NSRP1: variants seen among roughly 807,000 people sequenced by gnomAD.
The protein encoded by NSRP1 is nuclear speckle splicing regulatory protein 1.
A neutral mutation model predicts 54.7 loss-of-function variants in NSRP1; 24 were observed. The ratio of observed to expected loss-of-function variants is 0.44; its 90% CI spans 0.32 to 0.62. The LOEUF (loss-of-function observed/expected upper bound fraction) is 0.62, where lower values mean the gene tolerates loss of function less well. NSRP1 is among the 20% of genes least tolerant of loss of function. The pLI is 0.06. For synonymous variants in NSRP1, 210 were observed against 213.8 expected (o/e 0.98, Z 0.15); for missense variants, 596 against 651.2 (o/e 0.92, Z 0.92).
chr17:30,116,821 C>T lies in NSRP1; in HGVS notation c.-23C>T. On this transcript the variant is annotated 5_prime_UTR_variant, in exon 1 of 7. The change creates a new upstream start codon in the 5' untranslated region. Coordinates refer to ENST00000247026, the MANE Select transcript of NSRP1 (RefSeq NM_032141.4). The stretch of plus-strand genomic sequence containing the variant: ...GTCAGCGTCACGGAGGCGTCGGCCA[C>T]GTTCAGCGGACACGGGAGCAAGATG... The T allele has an allele frequency of 4.5e-6, 7 of 1,569,664 alleles. No homozygotes were observed. Among genetic ancestry groups the T allele is most frequent in the South Asian group, 2.3e-5 (2 of 85,334 alleles).
intron 3 of NSRP1, among the ~76,000 whole-genome samples, chr17:30,176,122 G>A (rs1324005738): frequency 6.6e-6 from 1 of 150,948 alleles, no homozygotes; most frequent in Non-Finnish European, 1.5e-5. Context: ...GTTTTGTTTT[G>A]TTTTGTTTTG....
chr17:30,177,128 G>T (rs572878250), intron 3 of NSRP1, among the ~76,000 whole-genome samples: 4 of 152,094 alleles, frequency 2.6e-5, no homozygotes, highest in African/African-American at 9.7e-5. Flanking sequence ...CAGCACTTTG[G>T]GGGGCGCTGA....
intron 2 of NSRP1, among the ~76,000 whole-genome samples, chr17:30,120,361 G>A (rs542113774): frequency 1.9e-4 from 29 of 152,168 alleles, no homozygotes; most frequent in African/African-American, 5.5e-4. Context: ...CCATTTCTGC[G>A]TAGCCAACTA....
intron 2 of NSRP1, among the ~76,000 whole-genome samples, chr17:30,168,570 A>T (rs1453664523): frequency 1.4e-5 from 2 of 147,208 alleles, no homozygotes; most frequent in East Asian, 3.9e-4. Flanking sequence ...CCTAAAACTT[A>T]AAGTATAATA....
In NSRP1 at chr17:30,185,853, C is replaced by T. The variant is rs1905516876; in HGVS notation, c.*179C>T. 1.7e-6 allele frequency: 1 copy of T among 591,356 alleles called. No individual in the cohort carries two copies. Among genetic ancestry groups the T allele is most frequent in the Admixed American group, 3.5e-5 (1 of 28,240 alleles). 36.6% of individuals were successfully genotyped at this position (591,356 alleles called of 1,614,324 possible). A position where few individuals can be genotyped will look rare whatever the true frequency, so the allele number is the denominator to read the frequency against. On this transcript the variant is annotated 3_prime_UTR_variant, in exon 7 of 7. Transcript: ENST00000247026. ...TGGATGTTTGGATGTGGATGTTTGGCTGAATTTATATATAGTGTGTACTCA... is the reference window on the plus strand; with the variant it reads ...TGGATGTTTGGATGTGGATGTTTGGTTGAATTTATATATAGTGTGTACTCA...
rs531385329 is a variant in NSRP1 at position 30,119,038 on chromosome 17, G to A, written c.114+865G>A. ...GCTGGGATTACAGGCGTAAGCCACC[G>A]CACCCAGTAAATATGTGCTTTTCCA... On this transcript the variant is annotated intron_variant, in intron 2 of 6. Transcript: ENST00000247026. Among the ~76,000 whole-genome samples, 43 of 151,576 alleles carry A rather than the reference G, an allele frequency of 2.8e-4. No homozygotes were observed. In the South Asian group the frequency reaches 4.6e-3, roughly 16 times the overall value.
intron 2 of NSRP1, among the ~76,000 whole-genome samples, chr17:30,152,460 G>A (rs2071921432): frequency 7.3e-6 from 1 of 136,748 alleles, no homozygotes; most frequent in African/African-American, 2.6e-5. Context: ...TGGACTTTTG[G>A]TTTTAGCTAC....
chr17:30,116,883 G>C lies in NSRP1; in HGVS notation c.20+20G>C. On this transcript the variant is annotated intron_variant, in intron 1 of 6. Coordinates refer to ENST00000247026, the MANE Select transcript of NSRP1 (RefSeq NM_032141.4). ...CAGGCAGTGAGTGATCCGGGAGTTA[G>C]GGTCAGGCTGGGGGATGAGAAACTA... 1 of 1,567,576 alleles carries C rather than the reference G, an allele frequency of 6.4e-7. No homozygotes were observed. The highest frequency in any genetic ancestry group is 8.7e-7 in the Non-Finnish European group (1 of 1,155,632).
intron 3 of NSRP1, among the ~76,000 whole-genome samples, chr17:30,173,479 A>G (rs1905027969): frequency 6.6e-6 from 1 of 152,318 alleles, no homozygotes; most frequent in East Asian, 1.9e-4. Flanking sequence ...ATTTTCTGCT[A>G]TAGAATGTAA....
At chr17:30,143,595 G>A (rs2071825835) in intron 2 of NSRP1, among the ~76,000 whole-genome samples, 1 of 152,112 alleles carries the variant, frequency 6.6e-6, no homozygotes, top group East Asian at 1.9e-4. Context: ...CATTATAAGT[G>A]TGCTAGTTGT....
At chr17:30,133,202 C>T (rs1272266045) in intron 2 of NSRP1, among the ~76,000 whole-genome samples, 1 of 150,812 alleles carries the variant, frequency 6.6e-6, no homozygotes, top group African/African-American at 2.4e-5. Flanking sequence ...ATCTACCTGC[C>T]TTGGCTTCCC....
At chr17:30,147,421 C>T (rs923409641) in intron 2 of NSRP1, among the ~76,000 whole-genome samples, 11 of 151,896 alleles carry the variant, frequency 7.2e-5, no homozygotes, top group Non-Finnish European at 1.3e-4. Context: ...TGAGCCACTG[C>T]ACTCGGCCAG....
intron 2 of NSRP1, among the ~76,000 whole-genome samples, chr17:30,139,386 C>G (rs1022558928): frequency 6.6e-6 from 1 of 152,086 alleles, no homozygotes; most frequent in Non-Finnish European, 1.5e-5. Flanking sequence ...TTATGCTGAT[C>G]CAGTTTATCA....
chr17:30,119,659 C>T (rs1335933813), intron 2 of NSRP1, among the ~76,000 whole-genome samples: 3 of 152,140 alleles, frequency 2.0e-5, no homozygotes, highest in Admixed American at 6.6e-5. Context: ...CACACCACCA[C>T]GCCTGGCTAA....
In NSRP1 at chr17:30,170,350, G is replaced by A. The variant is rs188872197; in HGVS notation, c.115-2192G>A. On this transcript the variant is annotated intron_variant, in intron 2 of 6. Transcript: ENST00000247026. ...AGAGCAGCTACAATTTACTCATTTA[G>A]CATGAATACCATATATAGTACAATT... 2.6e-5 allele frequency among the ~76,000 whole-genome samples: 4 copies of A among 152,082 alleles called. No individual in the cohort carries two copies. In the East Asian group the frequency reaches 7.7e-4, roughly 29 times the overall value.
intron 1 of NSRP1, 168 bp from the exon 2 acceptor site, chr17:30,117,912 G>A (rs1333090421): frequency 2.2e-5 from 12 of 549,478 alleles, no homozygotes; most frequent in South Asian, 1.1e-4. Flanking sequence ...AGAATCTTAC[G>A]GCATGTTAGA....
chr17:30,144,617 CTGTATG>C (rs1461379105), intron 2 of NSRP1: 58 of 152,210 alleles, frequency 3.8e-4, no homozygotes, highest in Admixed American at 3.3e-3. Context: ...GTATTTGCAA[CTGTATG>C]TGTATGTATA....
At chr17:30,163,434 T>C (rs1447294221) in intron 2 of NSRP1, among the ~76,000 whole-genome samples, 1 of 152,112 alleles carries the variant, frequency 6.6e-6, no homozygotes, top group African/African-American at 2.4e-5. Context: ...TGTATAGTGA[T>C]GCAACAAAGG....
rs1275258739 is a variant in NSRP1, at chr17:30,185,891, TC to T, written c.*218del. 2.6e-6 allele frequency: 1 copy of T among 377,972 alleles called. No individual in the cohort carries two copies. Among genetic ancestry groups the T allele is most frequent in the Non-Finnish European group, 4.6e-6 (1 of 215,432 alleles). 23.4% of individuals were successfully genotyped at this position (377,972 alleles called of 1,614,324 possible). On this transcript the variant is annotated 3_prime_UTR_variant, in exon 7 of 7. Transcript: ENST00000247026. ...TAGTGTGTACTCATCAATACCACAT[TC>T]TTTGTTGTATTCAAGAACCGTTAAG... is the stretch of plus-strand genomic sequence containing the variant.
Sources: allele counts gnomAD v4.1 joint callset (sites outside exome capture counted in the v4.1 genomes callset), GRCh38; gene constraint gnomAD v4.1.1; transcripts MANE v1.5; gene names NCBI Gene and HGNC (gene_info 2026-07-23, HGNC 2026-07-21).